Variants in IQCH observed in about 807,000 individuals in gnomAD.
IQCH encodes the protein IQ motif containing H.
In IQCH, 98 loss-of-function variants were observed where a neutral mutation model predicts 117.0. That is an observed-to-expected ratio of 0.84 (90% CI 0.71 to 0.99). IQCH has a LOEUF of 0.99. Ranked by LOEUF, IQCH falls within the 50% of genes least tolerant of loss-of-function variation. The pLI is 0.00. For missense variants in IQCH, 1,102 were observed against 1,243.8 expected (o/e 0.89, Z 1.72); for synonymous variants, 412 against 448.2 (o/e 0.92, Z 1.02).
intron 4 of IQCH, among the ~76,000 whole-genome samples, chr15:67,324,678 G>T (rs1014844280): frequency 6.6e-6 from 1 of 150,464 alleles, no homozygotes; most frequent in Admixed American, 6.6e-5. Context: ...ATTTTTCACT[G>T]GGTATAGAAT....
At chr15:67,322,060 AATC>A (rs1968161482) in intron 4 of IQCH, among the ~76,000 whole-genome samples, 1 of 152,190 alleles carries the variant, frequency 6.6e-6, no homozygotes, top group African/African-American at 2.4e-5. Context: ...AGGCTTTTAA[AATC>A]ATCAACTCTA....
At chr15:67,478,464 C>G (rs1029690378) in intron 18 of IQCH, among the ~76,000 whole-genome samples, 1 of 151,548 alleles carries the variant, frequency 6.6e-6, no homozygotes, top group African/African-American at 2.4e-5. Flanking sequence ...GCCATCCATG[C>G]ACAACTTAAA....
intron 6 of IQCH, among the ~76,000 whole-genome samples, chr15:67,351,889 A>T (rs893793224): frequency 6.6e-6 from 1 of 152,108 alleles, no homozygotes; most frequent in Non-Finnish European, 1.5e-5. Flanking sequence ...TATAAATAGT[A>T]TATAGCTGAA....
At chr15:67,351,087 TTTTAC>T (rs1431019240) in intron 6 of IQCH, among the ~76,000 whole-genome samples, 9 of 152,212 alleles carry the variant, frequency 5.9e-5, no homozygotes, top group Non-Finnish European at 1.2e-4. Context: ...TGTTTGTTTA[TTTTAC>T]TTTAAGTTCT....
chr15:67,323,361 G>A (rs1274009350), intron 4 of IQCH, among the ~76,000 whole-genome samples: 8 of 148,692 alleles, frequency 5.4e-5, no homozygotes, highest in African/African-American at 2.0e-4. Context: ...TCCTGCCCCA[G>A]CCTCCCGAGT....
chr15:67,373,283 G>A, intron 9 of IQCH, 84 bp from the exon 10 acceptor site: 1 of 835,772 alleles, frequency 1.2e-6, no homozygotes, highest in South Asian at 1.4e-5. Context: ...TGGCTTAACT[G>A]TACAGTGGAA....
At chr15:67,368,444 T>C (rs939083201) in intron 8 of IQCH, among the ~76,000 whole-genome samples, 3 of 152,154 alleles carry the variant, frequency 2.0e-5, no homozygotes, top group African/African-American at 7.2e-5. Flanking sequence ...GTCAGACAAA[T>C]AGCATCCCTG....
At chr15:67,290,791 C>T (rs1966723613) in intron 4 of IQCH, among the ~76,000 whole-genome samples, 1 of 152,142 alleles carries the variant, frequency 6.6e-6, no homozygotes, top group East Asian at 1.9e-4. Flanking sequence ...CAAATTTGTG[C>T]CATTCACTGT....
At chr15:67,354,681 A>G (rs978218209) in intron 6 of IQCH, among the ~76,000 whole-genome samples, 1 of 152,234 alleles carries the variant, frequency 6.6e-6, no homozygotes, top group Non-Finnish European at 1.5e-5. Context: ...TCAGGAATGC[A>G]TGTGACTATA....
intron 4 of IQCH, among the ~76,000 whole-genome samples, chr15:67,335,127 G>A (rs749528085): frequency 1.3e-4 from 20 of 151,966 alleles, no homozygotes; most frequent in Admixed American, 3.3e-4. Context: ...ATAGTTCTTC[G>A]GTCTGGTTTT....
intron 16 of IQCH, among the ~76,000 whole-genome samples, chr15:67,451,389 C>T (rs1481324873): frequency 6.6e-6 from 1 of 151,954 alleles, no homozygotes; most frequent in African/African-American, 2.4e-5. Flanking sequence ...CTACACACTG[C>T]TTTGAATGTG....
intron 16 of IQCH, among the ~76,000 whole-genome samples, chr15:67,438,730 G>A (rs1016626785): frequency 6.6e-6 from 1 of 152,118 alleles, no homozygotes; most frequent in Non-Finnish European, 1.5e-5. Context: ...TCATGCAACC[G>A]GACACCAAAA....
rs1367904273 is a variant in IQCH at position 67,416,442 on chromosome 15, G to A, written c.2098-489G>A. On this transcript the variant is annotated intron_variant, in intron 14 of 20. Transcript: ENST00000335894. This position sits in a 1 kb window ranked among gnomAD's most constrained non-coding sequence, Gnocchi z 5.1. ...TGAGGCAGGAGAATCACTTGAACCC[G>A]GGAGGCAGAGGTTGCAGTGAGCCAA... Among the ~76,000 whole-genome samples the A allele has an allele frequency of 2.6e-5, 4 of 151,856 alleles. No individual in the cohort carries two copies. The highest frequency in any genetic ancestry group is 4.4e-5 in the Non-Finnish European group (3 of 67,972).
rs1971818895 is a variant in IQCH at position 67,404,754 on chromosome 15, G to C, written c.2097+4449G>C. The C allele has an allele frequency of 6.6e-6, 1 of 152,182 alleles. No individual in the cohort carries two copies. Among genetic ancestry groups the C allele is most frequent in the Admixed American group, 6.5e-5 (1 of 15,280 alleles). The allele number at this position is 152,182 out of a possible 1,614,324, so 9.4% of individuals were successfully genotyped here. A position where few individuals can be genotyped will look rare whatever the true frequency, so the allele number is the denominator to read the frequency against. Reference sequence around the variant, plus strand: ...CTAATATATTGAACAATTCAACTAAGTTGGAAATTTAGGCTATTCCCAGCT... The same window carrying C: ...CTAATATATTGAACAATTCAACTAACTTGGAAATTTAGGCTATTCCCAGCT... On this transcript the variant is annotated intron_variant, in intron 14 of 20. Coordinates refer to ENST00000335894, the MANE Select transcript of IQCH (RefSeq NM_001031715.3). The surrounding 1 kb of genome is among the most constrained non-coding windows in gnomAD (Gnocchi z 4.6).
rs1441139015 is a variant in IQCH at position 67,476,555 on chromosome 15, A to T, written c.2799+737A>T. On this transcript the variant is annotated intron_variant, in intron 18 of 20. Transcript: ENST00000335894. This position sits in a 1 kb window ranked among gnomAD's most constrained non-coding sequence, Gnocchi z 4.1. ...TATTTGATAATTTATTTCTGAAGGG[A>T]GTTCTGATAAAAACCATTTTCTCTA... is the stretch of plus-strand genomic sequence containing the variant. Among the ~76,000 whole-genome samples the T allele has an allele frequency of 2.6e-5, 4 of 152,182 alleles. No homozygotes were observed. Among genetic ancestry groups the T allele is most frequent in the Non-Finnish European group, 5.9e-5 (4 of 68,030 alleles).
chr15:67,353,358 ATTTATTT>A (rs1567120210), intron 6 of IQCH, among the ~76,000 whole-genome samples: 2 of 70,384 alleles, frequency 2.8e-5, no homozygotes, highest in African/African-American at 7.5e-5. Context: ...TTTTATATTT[ATTTATTT>A]TTTTTTTTTT....
chr15:67,412,821 C>T (rs929798602), intron 14 of IQCH, among the ~76,000 whole-genome samples: 5 of 152,274 alleles, frequency 3.3e-5, no homozygotes, highest in African/African-American at 9.6e-5. Flanking sequence ...AGCAATGGTT[C>T]CCCTAACTCT....
At chr15:67,421,655 C>A in intron 16 of IQCH, 78 bp downstream of exon 16, 4 of 1,381,598 alleles carry the variant, frequency 2.9e-6, no homozygotes, top group Non-Finnish European at 4.0e-6. Context: ...TACAACAGGG[C>A]ATATGAGGGC....
chr15:67,353,081 G>C (rs916571582), intron 6 of IQCH, among the ~76,000 whole-genome samples: 4 of 151,900 alleles, frequency 2.6e-5, no homozygotes, highest in African/African-American at 9.7e-5. Flanking sequence ...AGGAGGCAGA[G>C]GTTTCAGTGA....
Sources: allele counts gnomAD v4.1 joint callset (sites outside exome capture counted in the v4.1 genomes callset), GRCh38; gene constraint gnomAD v4.1.1; non-coding constraint Gnocchi (gnomAD v3.1); transcripts MANE v1.5; gene names NCBI Gene and HGNC (gene_info 2026-07-23, HGNC 2026-07-21).